The following ARL14EPL variants were observed in gnomAD, a reference collection of about 807,000 sequenced individuals.
The protein encoded by ARL14EPL is ARL14 effector protein-like.
A neutral mutation model predicts 15.9 loss-of-function variants in ARL14EPL; 17 were observed. The observed-to-expected ratio is 1.07, with a 90% confidence interval of 0.73 to 1.60. The LOEUF is 1.60. Among genes scored for constraint, ARL14EPL ranks in the 40% most tolerant of loss-of-function variants. ARL14EPL has a pLI of 0.00. For synonymous variants in ARL14EPL, 78 were observed against 63.8 expected (o/e 1.22, Z -1.06); for missense variants, 214 against 185.9 (o/e 1.15, Z -0.88).
intron 2 of ARL14EPL, among the ~76,000 whole-genome samples, chr5:116,052,938 T>C (rs945958203): frequency 1.3e-5 from 2 of 152,234 alleles, no homozygotes; most frequent in Non-Finnish European, 2.9e-5. Flanking sequence ...TCTTCCCTCA[T>C]GACATGTGCT....
intron 1 of ARL14EPL, among the ~76,000 whole-genome samples, chr5:116,036,292 G>T (rs559326449): frequency 6.6e-6 from 1 of 152,300 alleles, no homozygotes; most frequent in South Asian, 2.1e-4. Flanking sequence ...ATTACACTCT[G>T]AGAAGCCTCT....
At chr5:116,054,250 T>A (rs1749462683) in intron 3 of ARL14EPL, 97 bp downstream of exon 3, 2 of 1,253,424 alleles carry the variant, frequency 1.6e-6, no homozygotes, top group East Asian at 2.6e-5. Flanking sequence ...TTATTATTTA[T>A]TATTTAAAAA....
chr5:116,057,886 C>T (rs1749557809), intron 3 of ARL14EPL, among the ~76,000 whole-genome samples: 2 of 152,182 alleles, frequency 1.3e-5, no homozygotes, highest in Admixed American at 1.3e-4. Context: ...GTGGTAATAA[C>T]GGCTATCAGT....
intron 2 of ARL14EPL, 126 bp from the exon 3 acceptor site, chr5:116,053,888 T>G: frequency 5.4e-6 from 4 of 736,324 alleles, no homozygotes; most frequent in Non-Finnish European, 8.1e-6. Context: ...ATCGTTTATG[T>G]CTTTGTGTAA....
intron 2 of ARL14EPL, among the ~76,000 whole-genome samples, chr5:116,053,750 GA>G (rs1232252941): frequency 6.6e-6 from 1 of 152,120 alleles, no homozygotes; most frequent in African/African-American, 2.4e-5. Flanking sequence ...GTTTTAAAAA[GA>G]ATTCTTCTAT....
At chr5:116,052,138 A>C (rs1580416233) in intron 2 of ARL14EPL, 14 of 1,612,168 alleles carry the variant, frequency 8.7e-6, no homozygotes, top group Non-Finnish European at 1.1e-5. Flanking sequence ...TAGCTTTGTC[A>C]AACAAGACTA....
rs1289210210 is a variant in ARL14EPL, at chr5:116,054,164, G to C, written c.236+11G>C. The C allele has an allele frequency of 2.0e-6, 3 of 1,532,082 alleles. No individual in the cohort carries two copies. Among genetic ancestry groups the C allele is most frequent in the African/African-American group, 1.4e-5 (1 of 72,986 alleles). 94.9% of individuals were successfully genotyped at this position (1,532,082 alleles called of 1,614,324 possible). ...TTCTACCAAATACAAGTAAGATTCT[G>C]ACTTATTGTATTTGATCTGTGGGAT... On this transcript the variant is annotated intron_variant, in intron 3 of 3. Coordinates refer to ENST00000686077, the MANE Select transcript of ARL14EPL (RefSeq NM_001195581.2).
chr5:116,059,296 G>A lies in ARL14EPL; in HGVS notation c.*349G>A. The stretch of plus-strand genomic sequence containing the variant: ...AAGATTTTCAAAACTCTGTAGTTGA[G>A]AGCTTTTCTTACATAGAACATAGAA... On this transcript the variant is annotated 3_prime_UTR_variant, in exon 4 of 4. Coordinates refer to ENST00000686077, the MANE Select transcript of ARL14EPL (RefSeq NM_001195581.2). 1 of 228,866 alleles carries A rather than the reference G, an allele frequency of 4.4e-6. No individual in the cohort carries two copies. The highest frequency in any genetic ancestry group is 8.7e-6 in the Non-Finnish European group (1 of 114,312). The allele number at this position is 228,866 out of a possible 1,614,324, so 14.2% of individuals were successfully genotyped here.
chr5:116,032,724 A>G (rs1425802538), intron 1 of ARL14EPL, among the ~76,000 whole-genome samples: 1 of 152,220 alleles, frequency 6.6e-6, no homozygotes, highest in African/African-American at 2.4e-5. Context: ...TCAGGCATCC[A>G]CTGGGGACCT....
At chr5:116,045,092 G>C (rs1749240027) in intron 1 of ARL14EPL, among the ~76,000 whole-genome samples, 1 of 152,164 alleles carries the variant, frequency 6.6e-6, no homozygotes, top group African/African-American at 2.4e-5. Context: ...TGCCCTCTGA[G>C]GCTAGTAGAG....
At chr5:116,039,688 A>G (rs1175851411) in intron 1 of ARL14EPL, among the ~76,000 whole-genome samples, 1 of 152,196 alleles carries the variant, frequency 6.6e-6, no homozygotes, top group African/African-American at 2.4e-5. Flanking sequence ...GACATAGAAA[A>G]AAAAACAAGA....
intron 1 of ARL14EPL, among the ~76,000 whole-genome samples, chr5:116,034,813 A>G (rs1487484490): frequency 1.3e-5 from 2 of 152,192 alleles, no homozygotes; most frequent in African/African-American, 4.8e-5. Context: ...TGTTTTAGCA[A>G]AGAGATTTCA....
rs530108131 is a variant in ARL14EPL, at chr5:116,035,292, C to T, written c.-10+2787C>T. The stretch of plus-strand genomic sequence containing the variant: ...GGTTAAACAAAGCAGCCACTTGGTC[C>T]GCGAGGACACTTGCTTCAGTAGGTA... On this transcript the variant is annotated intron_variant, in intron 1 of 3. Coordinates refer to ENST00000686077, the MANE Select transcript of ARL14EPL (RefSeq NM_001195581.2). 2.6e-5 allele frequency among the ~76,000 whole-genome samples: 4 copies of T among 152,336 alleles called. No homozygotes were observed. In the South Asian group the frequency reaches 8.3e-4, roughly 32 times the overall value.
chr5:116,036,392 C>T (rs868130733), intron 1 of ARL14EPL, among the ~76,000 whole-genome samples: 29 of 110,572 alleles, frequency 2.6e-4, no homozygotes, highest in Middle Eastern at 8.5e-3. Context: ...GGCAGTGCTT[C>T]GTATAGAAAT....
chr5:116,042,316 T>A (rs1008812233), intron 1 of ARL14EPL, among the ~76,000 whole-genome samples: 1 of 152,206 alleles, frequency 6.6e-6, no homozygotes, highest in African/African-American at 2.4e-5. Flanking sequence ...ATTTGCCCTT[T>A]TATCATTGGC....
intron 1 of ARL14EPL, among the ~76,000 whole-genome samples, chr5:116,048,783 C>T (rs1026933136): frequency 1.3e-5 from 2 of 151,854 alleles, no homozygotes; most frequent in Non-Finnish European, 2.9e-5. Context: ...CTATGATGAA[C>T]CTTCACTGAT....
rs112332113 is a variant in ARL14EPL at position 116,055,894 on chromosome 5, G to A, written c.236+1741G>A. Among the ~76,000 whole-genome samples the A allele has an allele frequency of 8.4e-3, 1,276 of 152,116 alleles. 19 individuals are homozygous for A. Among genetic ancestry groups the A allele is most frequent in the African/African-American group, 0.029 (1,193 of 41,462 alleles). On this transcript the variant is annotated intron_variant, in intron 3 of 3. Transcript: ENST00000686077. The stretch of plus-strand genomic sequence containing the variant: ...TTCTCATCTGTGAGTGAGAACATGC[G>A]GTGTTTGGTTTTTAGTCCTTGCGAT...
At chr5:116,044,583 T>C (rs1580413027) in intron 1 of ARL14EPL, among the ~76,000 whole-genome samples, 1 of 152,094 alleles carries the variant, frequency 6.6e-6, no homozygotes, top group Admixed American at 6.6e-5. Context: ...AATTTGGTAT[T>C]AGTATTAGTT....
intron 1 of ARL14EPL, among the ~76,000 whole-genome samples, chr5:116,033,377 A>G (rs2560680): frequency 0.34 from 51,267 of 152,052 alleles, 9,131 homozygotes; most frequent in East Asian, 0.44. Context: ...GCTTTGTGTT[A>G]GATGATGTTG....
Sources: gnomAD v4.1 joint callset for allele counts (sites outside exome capture counted in the v4.1 genomes callset) on GRCh38, gnomAD v4.1.1 for gene constraint, MANE v1.5 for transcripts, NCBI Gene and HGNC (gene_info 2026-07-23, HGNC 2026-07-21) for gene names.